NUAK2: variants seen among roughly 807,000 people sequenced by gnomAD.
NUAK2 encodes NUAK family SNF1-like kinase 2.
NUAK2 carries 20 observed loss-of-function variants against 29.8 expected under a neutral mutation model. The observed-to-expected ratio is 0.67, with a 90% CI of 0.47 to 0.98. The LOEUF (loss-of-function observed/expected upper bound fraction) is 0.98, where lower values mean the gene tolerates loss of function less well. Ranked by LOEUF, NUAK2 falls within the 50% of genes least tolerant of loss-of-function variation. The pLI, the probability that NUAK2 is intolerant of heterozygous loss-of-function variation, is 0.00. For synonymous variants in NUAK2, 331 were observed against 342.6 expected (o/e 0.97, Z 0.37); for missense variants, 719 against 834.5 (o/e 0.86, Z 1.71).
In NUAK2 at chr1:205,308,165, C is replaced by A. The variant is rs1369802503; in HGVS notation, c.570G>T (p.Lys190Asn). 1.3e-6 allele frequency: 2 copies of A among 1,599,394 alleles called. No individual in the cohort carries two copies. Among genetic ancestry groups the A allele is most frequent in the South Asian group, 2.2e-5 (2 of 90,210 alleles). Residue 190 changes from lysine to asparagine, a missense_variant and splice_region_variant, in exon 4 of 7, where the codon AAG (lysine) becomes AAT (asparagine). Coordinates refer to ENST00000367157, the MANE Select transcript of NUAK2 (RefSeq NM_030952.3). The surrounding 1 kb of genome is among the most constrained non-coding windows in gnomAD (Gnocchi z 4.1). The stretch of plus-strand genomic sequence containing the variant: ...TCTAGAAATAAGAAGTGGGACTCAC[C>A]TTGATATTCCCATTGGCATCCAAGA... The part of the protein sequence containing the change: ...NILLDANGNI[K>N]IADFGLSNLY...
intron 2 of NUAK2, among the ~76,000 whole-genome samples, chr1:205,309,793 C>T (rs750306861): frequency 5.3e-5 from 8 of 152,214 alleles, no homozygotes; most frequent in Non-Finnish European, 1.2e-4. Context: ...TGACTTCCAT[C>T]CAGAGGATCC....
chr1:205,307,305 T>C (rs1233665147), intron 4 of NUAK2, among the ~76,000 whole-genome samples: 1 of 152,186 alleles, frequency 6.6e-6, no homozygotes, highest in African/African-American at 2.4e-5. Context: ...AAGCACATGA[T>C]TGGTGCAGAT....
In NUAK2 at chr1:205,304,271, G is replaced by GC; in HGVS notation, c.1065dup (p.Gln356AlafsTer27). The GC allele has an allele frequency of 6.2e-7, 1 of 1,613,868 alleles. No homozygotes were observed. Among genetic ancestry groups the GC allele is most frequent in the Non-Finnish European group, 8.5e-7 (1 of 1,179,888 alleles). ...GTGCTTCCCCCACCAGGTGCATGCT[G>GC]CTTGAAGAAGCTGCACACCTTGGCC... On this transcript the variant is annotated frameshift_variant, in exon 7 of 7. Coordinates refer to ENST00000367157, the MANE Select transcript of NUAK2 (RefSeq NM_030952.3). LOFTEE classifies it low-confidence loss of function (END_TRUNC). The surrounding 1 kb of genome is among the most constrained non-coding windows in gnomAD (Gnocchi z 6.5).
chr1:205,303,426 G>A lies in NUAK2; in HGVS notation c.*24C>T, dbSNP rs369572763. On this transcript the variant is annotated 3_prime_UTR_variant, in exon 7 of 7. Coordinates refer to ENST00000367157, the MANE Select transcript of NUAK2 (RefSeq NM_030952.3). ...ACCAGCTGCATCTGAGAGCCTGACC[G>A]GGCTGGGGCAATGCCTACTCCACTC... 53 of 1,514,216 alleles carry A rather than the reference G, an allele frequency of 3.5e-5. No homozygotes were observed. In the African/African-American group the frequency reaches 5.3e-4, roughly 15 times the overall value. The allele number at this position is 1,514,216 out of a possible 1,614,324, so 93.8% of individuals were successfully genotyped here. A position where few individuals can be genotyped will look rare whatever the true frequency, so the allele number is the denominator to read the frequency against.
At chr1:205,319,404 A>G (rs1662374292) in intron 1 of NUAK2, among the ~76,000 whole-genome samples, 1 of 152,006 alleles carries the variant, frequency 6.6e-6, no homozygotes, top group Non-Finnish European at 1.5e-5. Context: ...ATCAAATGAG[A>G]TCTCTCTCTT....
chr1:205,303,557 G>A lies in NUAK2; in HGVS notation c.1780C>T (p.Arg594Cys), dbSNP rs377410685. 33 of 1,613,502 alleles carry A rather than the reference G, an allele frequency of 2.0e-5. No individual in the cohort carries two copies. The highest frequency in any genetic ancestry group is 1.1e-4 in the African/African-American group (8 of 74,932). The change falls in exon 7 of 7, where the codon CGC becomes TGC. Residue 594 changes from arginine (R) to cysteine (C), a missense_variant. Arg to Cys is a radical substitution (Grantham distance 180, BLOSUM62 -3). Around this residue, in one of 3 missense-constraint regions of NUAK2, gnomAD observed 430 missense variants for 465.7 expected, o/e 0.92. Coordinates refer to ENST00000367157, the MANE Select transcript of NUAK2 (RefSeq NM_030952.3). ...TCCCCCAAAGGATCCTGCCGCCAGCGCCTCAGGCAGCTTCCAGGGCCCTCT... is the reference window on the plus strand; with the variant it reads ...TCCCCCAAAGGATCCTGCCGCCAGCACCTCAGGCAGCTTCCAGGGCCCTCT... Reference protein sequence around the residue: ...PSEGPGSCLRRWRQDPLGDSC... With the variant: ...PSEGPGSCLRCWRQDPLGDSC...
Position 205,303,734 on chromosome 1 carries a change from G to T in NUAK2, c.1603C>A (p.Arg535=). ...DELAPPRPLA[R]ASRPSGAVSE... ...ACAGCCCCTGAGGGTCGGCTGGCCC[G>T]GGCCAGGGGGCGAGGTGGGGCGAGT... The change falls in exon 7 of 7, where the codon CGG becomes AGG. Residue 535 remains arginine (R), a synonymous_variant. Coordinates refer to ENST00000367157, the MANE Select transcript of NUAK2 (RefSeq NM_030952.3). The T allele has an allele frequency of 2.0e-6, 3 of 1,538,398 alleles. No homozygotes were observed. The highest frequency in any genetic ancestry group is 2.6e-6 in the Non-Finnish European group (3 of 1,144,226).
chr1:205,318,504 C>A (rs1662360434), intron 1 of NUAK2, among the ~76,000 whole-genome samples: 1 of 152,244 alleles, frequency 6.6e-6, no homozygotes, highest in African/African-American at 2.4e-5. Context: ...AGGACTCGGA[C>A]CACCTCAGTC....
In NUAK2 at chr1:205,308,812, C is replaced by A; in HGVS notation, c.353-80G>T. On this transcript the variant is annotated intron_variant, in intron 2 of 6. Transcript: ENST00000367157. The surrounding 1 kb of genome is among the most constrained non-coding windows in gnomAD (Gnocchi z 4.1). ...CTGGGGGTGACTCACTCCTCCCCGA[C>A]CCCAGGCCCCAAACCAGACAGGACC... The A allele has an allele frequency of 3.3e-6, 5 of 1,522,072 alleles. No individual in the cohort carries two copies. The highest frequency in any genetic ancestry group is 4.5e-6 in the Non-Finnish European group (5 of 1,113,406). 94.3% of individuals were successfully genotyped at this position (1,522,072 alleles called of 1,614,324 possible). A position where few individuals can be genotyped will look rare whatever the true frequency, so the allele number is the denominator to read the frequency against.
At chr1:205,319,953 C>CACACACACACACACA (rs1289345353) in intron 1 of NUAK2, among the ~76,000 whole-genome samples, 27 of 149,416 alleles carry the variant, frequency 1.8e-4, no homozygotes, top group African/African-American at 3.2e-4. Flanking sequence ...ACACACACAC[C>CACACACACACACACA]CCCTCACAAC....
At chr1:205,311,609 T>C (rs1662258228) in intron 2 of NUAK2, 96 bp downstream of exon 2, 1 of 1,512,976 alleles carries the variant, frequency 6.6e-7, no homozygotes, top group East Asian at 2.3e-5. Flanking sequence ...TTTTTACTTC[T>C]TTATGTTGTT....
At chr1:205,309,573 G>T (rs1313893386) in intron 2 of NUAK2, among the ~76,000 whole-genome samples, 2 of 152,140 alleles carry the variant, frequency 1.3e-5, no homozygotes, top group African/African-American at 2.4e-5. Flanking sequence ...TGATCAGCCC[G>T]CCTCGGCCTC....
Position 205,303,803 on chromosome 1 carries a change from C to T in NUAK2, c.1534G>A (p.Ala512Thr). ...LKLNGKFSQT[A>T]LELAAPTTFG... The stretch of plus-strand genomic sequence containing the variant: ...GTGGTGGGGGCCGCGAGCTCCAAGG[C>T]TGTCTGGGAGAACTTGCCATTGAGT... The change falls in exon 7 of 7, where the codon GCC (alanine) becomes ACC (threonine). Residue 512 changes from alanine (A) to threonine (T), a missense_variant. Around this residue, in one of 3 missense-constraint regions of NUAK2, gnomAD observed 430 missense variants for 465.7 expected, o/e 0.92. Transcript: ENST00000367157. 2 of 1,587,574 alleles carry T rather than the reference C, an allele frequency of 1.3e-6. No homozygotes were observed. The highest frequency in any genetic ancestry group is 1.3e-5 in the African/African-American group (1 of 74,272).
chr1:205,313,772 G>A (rs895550095), intron 1 of NUAK2, among the ~76,000 whole-genome samples: 1 of 152,094 alleles, frequency 6.6e-6, no homozygotes, highest in African/African-American at 2.4e-5. Context: ...GGCCCTCAGA[G>A]GCTGCAGGGC....
intron 1 of NUAK2, among the ~76,000 whole-genome samples, chr1:205,317,628 T>A (rs1291408566): frequency 1.3e-5 from 2 of 152,162 alleles, no homozygotes; most frequent in Non-Finnish European, 2.9e-5. Flanking sequence ...GCAAGGAGCT[T>A]CCCTGCCCAG....
chr1:205,308,514 T>C lies in NUAK2; in HGVS notation c.504+67A>G. 6.4e-7 allele frequency: 1 copy of C among 1,552,334 alleles called. No individual in the cohort carries two copies. The highest frequency in any genetic ancestry group is 8.8e-7 in the Non-Finnish European group (1 of 1,130,884). ...TGGACAAGTCATGGAACCTCTCTGG[T>C]CCAAAACAGCCCTAGAGCCCTGGGG... is the stretch of plus-strand genomic sequence containing the variant. On this transcript the variant is annotated intron_variant, in intron 3 of 6. Coordinates refer to ENST00000367157, the MANE Select transcript of NUAK2 (RefSeq NM_030952.3). This position sits in a 1 kb window ranked among gnomAD's most constrained non-coding sequence, Gnocchi z 4.1.
At chr1:205,311,858 G>T (rs1242941229) in intron 1 of NUAK2, 33 bp from the exon 2 acceptor site, 2 of 1,611,926 alleles carry the variant, frequency 1.2e-6, no homozygotes, top group Admixed American at 3.3e-5. Context: ...TGAGGAGAAA[G>T]GTTTGGCAGA....
At chr1:205,316,164 T>C (rs1049703639) in intron 1 of NUAK2, among the ~76,000 whole-genome samples, 1 of 152,224 alleles carries the variant, frequency 6.6e-6, no homozygotes, top group Non-Finnish European at 1.5e-5. Flanking sequence ...TTTGCCCCTA[T>C]AGAGCTATGC....
At chr1:205,313,179 T>TTAAAATGG (rs71281135) in intron 1 of NUAK2, among the ~76,000 whole-genome samples, 56 of 152,184 alleles carry the variant, frequency 3.7e-4, no homozygotes, top group East Asian at 5.8e-4. Context: ...ACTGGTACAC[T>TTAAAATGG]TAAAATGGTA....
Sources: allele counts gnomAD v4.1 joint callset (sites outside exome capture counted in the v4.1 genomes callset), GRCh38; gene constraint gnomAD v4.1.1; regional missense constraint gnomAD v4.1.1; non-coding constraint Gnocchi (gnomAD v3.1); transcripts MANE v1.5; gene names NCBI Gene and HGNC (gene_info 2026-07-23, HGNC 2026-07-21).